The following ASPRV1 variants were observed in gnomAD, a reference collection of about 807,000 sequenced individuals.
ASPRV1 encodes the protein aspartic peptidase retroviral like 1, also known as retroviral-like aspartic protease 1.
In ASPRV1, 7 loss-of-function variants were observed where a neutral mutation model predicts 11.0. The observed-to-expected ratio is 0.64, with a 90% CI of 0.36 to 1.20. The LOEUF (loss-of-function observed/expected upper bound fraction) is 1.20. ASPRV1 is among the 50% of genes most tolerant of loss of function. ASPRV1 has a pLI of 0.02. For synonymous variants in ASPRV1, 136 were observed against 138.4 expected (o/e 0.98, Z 0.12); for missense variants, 299 against 320.0 (o/e 0.93, Z 0.50).
the ASPRV1 span, among the ~76,000 whole-genome samples, chr2:69,978,831 T>C: frequency 3.3e-5 from 5 of 152,296 alleles, no homozygotes; most frequent in South Asian, 4.1e-4. Flanking sequence ...TCCCAGACGA[T>C]GGGTGACTTG....
chr2:70,014,880 A>T, the ASPRV1 span, among the ~76,000 whole-genome samples: 3 of 152,084 alleles, frequency 2.0e-5, no homozygotes, highest in African/African-American at 7.2e-5. Context: ...CAAATCTTAT[A>T]TCTGAAAAGG....
chr2:69,983,632 G>C, the ASPRV1 span, among the ~76,000 whole-genome samples: 1 of 152,152 alleles, frequency 6.6e-6, no homozygotes, highest in Admixed American at 6.6e-5. Context: ...AATGGGGGAG[G>C]GTAGGGGAGC....
chr2:70,034,566 G>A, the ASPRV1 span, among the ~76,000 whole-genome samples: 13 of 144,806 alleles, frequency 9.0e-5, no homozygotes, highest in Non-Finnish European at 1.3e-4. Flanking sequence ...GCGAGACTTT[G>A]TCTCAAAAAA....
At chr2:69,960,016 ATGTGAATCTCCCT>A (rs1475310792), downstream of ASPRV1, 4 of 152,440 alleles carry the variant, frequency 2.6e-5, no homozygotes, top group Non-Finnish European at 4.4e-5. Context: ...CTCAGTAGAC[ATGTGAATCTCCCT>A]TGTCTTTGAT....
chr2:70,033,982 G>A, the ASPRV1 span, among the ~76,000 whole-genome samples: 6 of 150,672 alleles, frequency 4.0e-5, no homozygotes, highest in South Asian at 2.1e-4. Flanking sequence ...GTGAAACCCC[G>A]TCTCTACTAA....
the ASPRV1 span, among the ~76,000 whole-genome samples, chr2:70,007,516 C>G: frequency 6.7e-6 from 1 of 148,920 alleles, no homozygotes; most frequent in Non-Finnish European, 1.5e-5. Flanking sequence ...GAAACCCTGC[C>G]TCAAAAAAAA....
the ASPRV1 span, among the ~76,000 whole-genome samples, chr2:70,057,239 T>TA: frequency 3.6e-3 from 533 of 149,986 alleles, 2 homozygotes; most frequent in African/African-American, 9.8e-3. Context: ...CCATCTCTAT[T>TA]AAAAAAAAAG....
the ASPRV1 span, among the ~76,000 whole-genome samples, chr2:69,998,617 T>C: frequency 1.3e-5 from 2 of 151,298 alleles, no homozygotes; most frequent in Non-Finnish European, 2.9e-5. Flanking sequence ...TAGTCCCAGC[T>C]ACTCAGGAGG....
At chr2:69,937,348 C>T in the ASPRV1 span, 1 of 1,614,000 alleles carries the variant, frequency 6.2e-7, no homozygotes, top group Non-Finnish European at 8.5e-7. Flanking sequence ...TCCGGATGGA[C>T]AGCATCGGCT....
chr2:70,049,046 T>C, the ASPRV1 span: 1 of 151,974 alleles, frequency 6.6e-6, no homozygotes, highest in Admixed American at 6.6e-5. Flanking sequence ...TTTTATTTTA[T>C]TATTATTATA....
At chr2:69,935,253 G>T in the ASPRV1 span, 29 of 815,298 alleles carry the variant, frequency 3.6e-5, no homozygotes, top group Middle Eastern at 6.6e-4. Context: ...CCATCGCAAG[G>T]CCTGGGCAAC....
At chr2:69,953,919 T>C in the ASPRV1 span, among the ~76,000 whole-genome samples, 1 of 151,682 alleles carries the variant, frequency 6.6e-6, no homozygotes, top group Non-Finnish European at 1.5e-5. Flanking sequence ...GGTTTCACCA[T>C]GTTGGCCAGG....
the ASPRV1 span, among the ~76,000 whole-genome samples, chr2:70,061,275 G>C: frequency 6.6e-6 from 1 of 151,908 alleles, no homozygotes; most frequent in South Asian, 2.1e-4. Context: ...CACGCCTGTA[G>C]TCCCAGCTAC....
the ASPRV1 span, among the ~76,000 whole-genome samples, chr2:70,065,311 A>C: frequency 6.7e-6 from 1 of 150,032 alleles, no homozygotes; most frequent in Non-Finnish European, 1.5e-5. Flanking sequence ...GAATGGCATG[A>C]ACCCAGGAGG....
At chr2:69,967,616 A>T in the ASPRV1 span, among the ~76,000 whole-genome samples, 1 of 152,182 alleles carries the variant, frequency 6.6e-6, no homozygotes, top group Non-Finnish European at 1.5e-5. Context: ...AACACAGAAA[A>T]AAGACTAGGA....
the ASPRV1 span, among the ~76,000 whole-genome samples, chr2:70,007,038 T>C: frequency 2.0e-5 from 3 of 152,190 alleles, no homozygotes; most frequent in Non-Finnish European, 4.4e-5. Flanking sequence ...ATACAGGCAG[T>C]AAAAGGACCT....
chr2:70,068,352 G>A, the ASPRV1 span, among the ~76,000 whole-genome samples: 4 of 152,190 alleles, frequency 2.6e-5, no homozygotes, highest in African/African-American at 9.7e-5. Context: ...GGTAAGGAGT[G>A]GGTTGAAGAA....
chr2:70,086,228 T>A, the ASPRV1 span: 2 of 151,916 alleles, frequency 1.3e-5, no homozygotes, highest in Non-Finnish European at 2.9e-5. Flanking sequence ...CGACCCCAAT[T>A]TCTCGTTGGC....
At chr2:70,031,716 C>T in the ASPRV1 span, 1 of 152,082 alleles carries the variant, frequency 6.6e-6, no homozygotes, top group South Asian at 2.1e-4. Flanking sequence ...AAAACCTGGG[C>T]TCATGTCAAT....
Sources: allele counts gnomAD v4.1 joint callset (sites outside exome capture counted in the v4.1 genomes callset), GRCh38; gene constraint gnomAD v4.1.1; transcripts MANE v1.5; gene names NCBI Gene and HGNC (gene_info 2026-07-23, HGNC 2026-07-21).